Variants in CRTC3 observed in about 807,000 individuals in gnomAD.
CRTC3 encodes CREB-regulated transcription coactivator 3.
Under a neutral mutation model 74.5 loss-of-function variants are expected in CRTC3, and 26 were observed. That is an observed-to-expected ratio of 0.35 (90% CI 0.26 to 0.48). The LOEUF is 0.48. CRTC3 is among the 20% of genes least tolerant of loss of function. The pLI, the probability that CRTC3 is intolerant of heterozygous loss-of-function variation, is 0.99. For synonymous variants in CRTC3, 377 were observed against 325.8 expected (o/e 1.16, Z -1.69); for missense variants, 760 against 787.3 (o/e 0.97, Z 0.41).
intron 9 of CRTC3, 32 bp from the exon 10 acceptor site, chr15:90,625,744 T>C (rs3743405): frequency 0.18 from 286,255 of 1,577,288 alleles, 26,793 homozygotes; most frequent in Non-Finnish European, 0.19. Context: ...AAATACATTG[T>C]AGAAAGTCAT....
chr15:90,572,596 G>T (rs1425864476), intron 2 of CRTC3, among the ~76,000 whole-genome samples: 2 of 151,902 alleles, frequency 1.3e-5, no homozygotes, highest in South Asian at 2.1e-4. Flanking sequence ...TATTTTTTGA[G>T]ATGGAGTCTC....
chr15:90,617,947 A>G lies in CRTC3; in HGVS notation c.678A>G (p.Lys226=). ...TAAATGTTCCGAAGCCACTGCCAAAACAACTGTGGGAGACCAAGGAGGTGG... is the reference window on the plus strand; with the variant it reads ...TAAATGTTCCGAAGCCACTGCCAAAGCAACTGTGGGAGACCAAGGAGGTGG... The part of the protein sequence containing the change: ...NLLNVPKPLP[K]QLWETKEIQS... Residue 226 remains lysine (K), a synonymous_variant, in exon 8 of 15, where the codon AAA becomes AAG. Coordinates refer to ENST00000268184, the MANE Select transcript of CRTC3 (RefSeq NM_022769.5). 6.2e-7 allele frequency: 1 copy of G among 1,611,344 alleles called. No individual in the cohort carries two copies. Among genetic ancestry groups the G allele is most frequent in the Non-Finnish European group, 8.5e-7 (1 of 1,177,548 alleles).
chr15:90,538,482 A>G (rs967562315), intron 1 of CRTC3, among the ~76,000 whole-genome samples: 2 of 152,204 alleles, frequency 1.3e-5, no homozygotes, highest in African/African-American at 4.8e-5. Context: ...TGCCTTTAAA[A>G]TTTCCAAACA....
chr15:90,570,472 T>C (rs958128918), intron 2 of CRTC3, among the ~76,000 whole-genome samples: 2 of 152,230 alleles, frequency 1.3e-5, no homozygotes, highest in African/African-American at 2.4e-5. Flanking sequence ...ACTCCACCAC[T>C]GTTAGGGACA....
chr15:90,625,949 ACAT>A lies in CRTC3; in HGVS notation c.925_927del (p.Ile309del), dbSNP rs756030687. The A allele has an allele frequency of 6.2e-7, 1 of 1,614,206 alleles. No homozygotes were observed. Among genetic ancestry groups the A allele is most frequent in the Non-Finnish European group, 8.5e-7 (1 of 1,180,030 alleles). On this transcript the variant is annotated inframe_deletion, in exon 10 of 15. Transcript: ENST00000268184. Reference sequence around the variant, plus strand: ...ATGAGTGTGGGGAATAGTGTGAACAACATCCCAGCTGCTATGACCCACCTGGGT... The same window carrying A: ...ATGAGTGTGGGGAATAGTGTGAACAACCCAGCTGCTATGACCCACCTGGGT...
chr15:90,596,702 C>T (rs1278268896), intron 3 of CRTC3, among the ~76,000 whole-genome samples: 3 of 152,052 alleles, frequency 2.0e-5, no homozygotes, highest in South Asian at 2.1e-4. Context: ...GCTGTGATTC[C>T]GTCTTTGCTT....
In CRTC3 at chr15:90,629,397, A is replaced by G; in HGVS notation, c.1131A>G (p.Thr377=). The G allele has an allele frequency of 2.5e-6, 4 of 1,613,452 alleles. No individual in the cohort carries two copies. Among genetic ancestry groups the G allele is most frequent in the Non-Finnish European group, 2.5e-6 (3 of 1,179,836 alleles). ...TTAGCAACCCATCTCTTTCCACCAC[A>G]AACCTGAGCGGCCCGTCTCGGCGTC... is the stretch of plus-strand genomic sequence containing the variant. ...FSLSNPSLST[T]NLSGPSRRRQ... is the part of the protein sequence containing the mutation. The change falls in exon 11 of 15, where the codon ACA becomes ACG. Residue 377 remains threonine, a synonymous_variant. Transcript: ENST00000268184.
intron 6 of CRTC3, among the ~76,000 whole-genome samples, chr15:90,611,597 C>T (rs1698952762): frequency 6.6e-6 from 1 of 152,120 alleles, no homozygotes; most frequent in South Asian, 2.1e-4. Context: ...TCCTTCTGGT[C>T]ACCGCAGCCC....
intron 10 of CRTC3, among the ~76,000 whole-genome samples, chr15:90,628,631 C>G (rs1387007284): frequency 6.6e-6 from 1 of 152,222 alleles, no homozygotes; most frequent in African/African-American, 2.4e-5. Context: ...CCAGCAAAAA[C>G]TTCCTTTTCC....
intron 2 of CRTC3, among the ~76,000 whole-genome samples, chr15:90,543,705 G>A (rs531942435): frequency 1.3e-5 from 2 of 152,186 alleles, no homozygotes; most frequent in East Asian, 3.9e-4. Context: ...CCAGAGCACA[G>A]ATTTTTTTTA....
intron 6 of CRTC3, among the ~76,000 whole-genome samples, chr15:90,610,416 G>A (rs1968329881): frequency 6.6e-6 from 1 of 152,176 alleles, no homozygotes; most frequent in African/African-American, 2.4e-5. Context: ...GAGAGCATCT[G>A]CTCACGGCTT....
intron 5 of CRTC3, among the ~76,000 whole-genome samples, chr15:90,606,023 A>G (rs1968209661): frequency 6.6e-6 from 1 of 152,182 alleles, no homozygotes; most frequent in Admixed American, 6.5e-5. Context: ...TGGGAGGCCA[A>G]GGCGGGCGAA....
intron 13 of CRTC3, 28 bp downstream of exon 13, chr15:90,638,843 C>T: frequency 6.4e-7 from 1 of 1,568,448 alleles, no homozygotes; most frequent in Non-Finnish European, 8.8e-7. Context: ...CCTTCTCCTC[C>T]CTTGGTGCAT....
chr15:90,600,775 C>T (rs999592589), intron 3 of CRTC3: 3 of 152,134 alleles, frequency 2.0e-5, no homozygotes, highest in African/African-American at 7.2e-5. Flanking sequence ...TTATTTCCAC[C>T]TTAAGAAATA....
At chr15:90,623,057 A>T (rs925402710) in intron 9 of CRTC3, among the ~76,000 whole-genome samples, 3 of 151,874 alleles carry the variant, frequency 2.0e-5, no homozygotes, top group Non-Finnish European at 4.4e-5. Context: ...TCTGCCACTG[A>T]TTCCCCCGTC....
chr15:90,543,134 G>GAAA lies in CRTC3; in HGVS notation c.231+3010_231+3012dup, dbSNP rs34961335. 2.5e-3 allele frequency among the ~76,000 whole-genome samples: 313 copies of GAAA among 124,194 alleles called. 5 individuals carry two copies. Among genetic ancestry groups the GAAA allele is most frequent in the East Asian group, 0.01 (44 of 4,388 alleles). The allele number at this position is 124,194 out of a possible 152,430, so 81.5% of individuals were successfully genotyped here. ...AACATGGAGAGACCCTGTCTCTACTGAAAAAAAAAAAAAAAGGCCAGATGT... is the reference window on the plus strand; with the variant it reads ...AACATGGAGAGACCCTGTCTCTACTGAAAAAAAAAAAAAAAAAAGGCCAGATGT... On this transcript the variant is annotated intron_variant, in intron 2 of 14. Coordinates refer to ENST00000268184, the MANE Select transcript of CRTC3 (RefSeq NM_022769.5).
rs140801746 is a variant in CRTC3, at chr15:90,629,355, G to A, written c.1089G>A (p.Ser363=). 1.4e-4 allele frequency: 231 copies of A among 1,613,700 alleles called. No individual in the cohort carries two copies. The highest frequency in any genetic ancestry group is 3.2e-4 in the Admixed American group (19 of 59,962). ...SVPNASALHP[S]LRLFSLSNPS... is the part of the protein sequence containing the mutation. ...CCAACGCATCTGCTCTTCACCCTTCGCTCCGTCTGTTTTCCCTTAGCAACC... is the reference window on the plus strand; with the variant it reads ...CCAACGCATCTGCTCTTCACCCTTCACTCCGTCTGTTTTCCCTTAGCAACC... Residue 363 remains serine (S), a synonymous_variant, in exon 11 of 15, where the codon TCG becomes TCA. Coordinates refer to ENST00000268184, the MANE Select transcript of CRTC3 (RefSeq NM_022769.5).
At chr15:90,594,560 G>A (rs1357731592) in intron 3 of CRTC3, 1 of 152,250 alleles carries the variant, frequency 6.6e-6, no homozygotes, top group Non-Finnish European at 1.5e-5. Flanking sequence ...TCGCTGCGGA[G>A]AGCTGAATTC....
At chr15:90,577,023 GTTTGTTTTTTGTTTTGTTTTGTTTTGT>G (rs1967421492) in intron 2 of CRTC3, among the ~76,000 whole-genome samples, 1 of 92,502 alleles carries the variant, frequency 1.1e-5, no homozygotes, top group South Asian at 4.9e-4. Context: ...TGGGCCATTT[GTTTGTTTTTTGTTTTGTTTTGTTTTGT>G]TTTGTTTTTT....
Sources: gnomAD v4.1 joint callset for allele counts (sites outside exome capture counted in the v4.1 genomes callset) on GRCh38, gnomAD v4.1.1 for gene constraint, MANE v1.5 for transcripts, NCBI Gene and HGNC (gene_info 2026-07-23, HGNC 2026-07-21) for gene names.